Variants in ANO7 observed in about 807,000 individuals in gnomAD.
ANO7 encodes the protein anoctamin 7.
ANO7 carries 114 observed loss-of-function variants against 115.8 expected under a neutral mutation model. That is an observed-to-expected ratio of 0.98 (90% CI 0.85 to 1.15). ANO7 has a LOEUF of 1.15. Ranked by LOEUF, ANO7 falls within the 50% of genes most tolerant of loss-of-function variation. The pLI is 0.00. For missense variants in ANO7, 1,302 were observed against 1,201.2 expected (o/e 1.08, Z -1.24); for synonymous variants, 550 against 498.2 (o/e 1.10, Z -1.38).
At chr2:241,219,473 G>T (rs1042117695) in intron 21 of ANO7, among the ~76,000 whole-genome samples, 1 of 151,164 alleles carries the variant, frequency 6.6e-6, no homozygotes, top group Admixed American at 6.6e-5. Flanking sequence ...TGTTCTGGTT[G>T]TTTTTTTTAT....
chr2:241,189,442 C>T (rs550165741), intron 1 of ANO7, among the ~76,000 whole-genome samples: 9 of 152,308 alleles, frequency 5.9e-5, no homozygotes, highest in Admixed American at 2.6e-4. Context: ...CTCCTGGCCC[C>T]GTTTTGCCAG....
chr2:241,225,725 G>A lies in ANO7; in HGVS notation c.*1572G>A, dbSNP rs2069147797. On this transcript the variant is annotated 3_prime_UTR_variant, in exon 25 of 25. Coordinates refer to ENST00000674324, the MANE Select transcript of ANO7 (RefSeq NM_001370694.2). Reference sequence around the variant, plus strand: ...CTACTTGTTCACCTGCCTCTTAGGAGCACTGTGCCCTGCCTCCATGGAAGG... The same window carrying A: ...CTACTTGTTCACCTGCCTCTTAGGAACACTGTGCCCTGCCTCCATGGAAGG... Among the ~76,000 whole-genome samples, 1 of 152,170 alleles carries A rather than the reference G, an allele frequency of 6.6e-6. No individual in the cohort carries two copies. Among genetic ancestry groups the A allele is most frequent in the African/African-American group, 2.4e-5 (1 of 41,440 alleles).
chr2:241,233,239 G>A, the ANO7 span, among the ~76,000 whole-genome samples: 14 of 152,226 alleles, frequency 9.2e-5, 1 homozygote, highest in South Asian at 4.1e-4. The surrounding 1 kb of genome is among the most constrained non-coding windows in gnomAD (Gnocchi z 4.3). Context: ...GGGGTGTTGG[G>A]TGAGGCTGCC....
At chr2:241,231,684 C>G in the ANO7 span, among the ~76,000 whole-genome samples, 1 of 152,116 alleles carries the variant, frequency 6.6e-6, no homozygotes, top group East Asian at 1.9e-4. Flanking sequence ...CTCCCTCACT[C>G]AGAGATCCCA....
At chr2:241,238,433 G>C in the ANO7 span, 4 of 394,360 alleles carry the variant, frequency 1.0e-5, no homozygotes, top group Non-Finnish European at 1.8e-5. This position sits in a 1 kb window ranked among gnomAD's most constrained non-coding sequence, Gnocchi z 4.9. Flanking sequence ...TGTGTCTCTA[G>C]GACCTATGAA....
the ANO7 span, chr2:241,235,429 C>A: frequency 6.8e-7 from 1 of 1,464,220 alleles, no homozygotes; most frequent in Non-Finnish European, 9.6e-7. Flanking sequence ...AGGACACTGG[C>A]ACTCGGGAGA....
Position 241,201,310 on chromosome 2 carries a change from T to C in ANO7, c.567T>C (p.Ser189=), listed in dbSNP as rs1240356248. The C allele has an allele frequency of 6.2e-7, 1 of 1,611,864 alleles. No individual in the cohort carries two copies. The highest frequency in any genetic ancestry group is 1.3e-5 in the African/African-American group (1 of 74,628). ...CACATGCCCACAGCTTCCTCGGGAG[T>C]GACAACCAGGACACCTTCTTCACAA... The part of the protein sequence containing the change: ...RVNKLPRFLG[S]DNQDTFFTST... The change falls in exon 7 of 25, where the codon AGT becomes AGC. Residue 189 remains serine, a synonymous_variant. Transcript: ENST00000674324.
Position 241,217,944 on chromosome 2 carries a change from CGGGGGG to C in ANO7, c.2178+56_2178+61del, listed in dbSNP as rs1185030461. The C allele has an allele frequency of 1.9e-4, 9 of 46,574 alleles. 1 individual carries two copies. The highest frequency in any genetic ancestry group is 3.0e-4 in the Non-Finnish European group (8 of 27,106). 2.9% of individuals were successfully genotyped at this position (46,574 alleles called of 1,614,324 possible). On this transcript the variant is annotated intron_variant, in intron 20 of 24. Transcript: ENST00000674324. Reference sequence around the variant, plus strand: ...GGGCGGGGGCGCGCAGGGGCGGGGGCGGGGGGGGCAGCGGGGGCGCGCAGGGGCGGG... The same window carrying C: ...GGGCGGGGGCGCGCAGGGGCGGGGGCGGCAGCGGGGGCGCGCAGGGGCGGG...
chr2:241,214,815 G>A lies in ANO7; in HGVS notation c.1739G>A (p.Gly580Glu). Residue 580 changes from glycine to glutamate, a missense_variant, in exon 18 of 25, where the codon GGA (glycine) becomes GAA (glutamate). Transcript: ENST00000674324. ...FGVRNEECAA[G>E]GCLIELAQEL... ...GCCCTGCTGCCGTAGTGCGCGGCTG[G>A]AGGCTGCCTGATCGAGCTGGCACAG... 6.2e-7 allele frequency: 1 copy of A among 1,611,896 alleles called. No individual in the cohort carries two copies. Among genetic ancestry groups the A allele is most frequent in the South Asian group, 1.1e-5 (1 of 91,080 alleles).
intron 11 of ANO7, among the ~76,000 whole-genome samples, chr2:241,208,908 G>A (rs1264024524): frequency 6.6e-6 from 1 of 152,134 alleles, no homozygotes; most frequent in African/African-American, 2.4e-5. Context: ...CCAGCACTTT[G>A]GGAGGCCAAG....
In ANO7 at chr2:241,216,924, C is replaced by T. The variant is rs551172291; in HGVS notation, c.1972+686C>T. Among the ~76,000 whole-genome samples the T allele has an allele frequency of 2.6e-5, 4 of 152,340 alleles. No individual in the cohort carries two copies. In the South Asian group the frequency reaches 8.3e-4, roughly 32 times the overall value. Reference sequence around the variant, plus strand: ...TCTCGGCTCACTCCAACCTCCACCTCCCAGGTTCAAGCAATTCTCCTGCCT... The same window carrying T: ...TCTCGGCTCACTCCAACCTCCACCTTCCAGGTTCAAGCAATTCTCCTGCCT... On this transcript the variant is annotated intron_variant, in intron 19 of 24. Transcript: ENST00000674324.
At chr2:241,240,193 T>TCTGTAGGACAGCAAG in the ANO7 span, 5 of 1,460,316 alleles carry the variant, frequency 3.4e-6, no homozygotes, top group Non-Finnish European at 4.8e-6. This position sits in a 1 kb window ranked among gnomAD's most constrained non-coding sequence, Gnocchi z 5.5. Flanking sequence ...GACAAGAGGG[T>TCTGTAGGACAGCAAG]CTGTAGGACA....
intron 17 of ANO7, among the ~76,000 whole-genome samples, chr2:241,213,120 G>A (rs2068752013): frequency 6.6e-6 from 1 of 151,840 alleles, no homozygotes. Context: ...GGCCCGCAGA[G>A]GCTGGCCTCC....
At position 241,214,909 on chromosome 2, in the gene ANO7, C is replaced by A; in HGVS notation, c.1826+7C>A. Reference sequence around the variant, plus strand: ...TGCAGGAGGTCCTCATCCCGTGAGTCCCCCACTCCTCCCTGGGTGGCATCC... The same window carrying A: ...TGCAGGAGGTCCTCATCCCGTGAGTACCCCACTCCTCCCTGGGTGGCATCC... On this transcript the variant is annotated splice_region_variant and intron_variant, in intron 18 of 24. Transcript: ENST00000674324. 2 of 1,610,964 alleles carry A rather than the reference C, an allele frequency of 1.2e-6. No individual in the cohort carries two copies.
chr2:241,193,621 C>G (rs2068254955), intron 3 of ANO7, among the ~76,000 whole-genome samples: 1 of 152,068 alleles, frequency 6.6e-6, no homozygotes, highest in Admixed American at 6.6e-5. Context: ...TATATTCTAT[C>G]CTCTGAGAAA....
At chr2:241,199,491 C>A in intron 5 of ANO7, 68 bp downstream of exon 5, 1 of 1,509,696 alleles carries the variant, frequency 6.6e-7, no homozygotes, top group South Asian at 1.1e-5. Flanking sequence ...GTTCAGCTGC[C>A]AGTGCCGACA....
the ANO7 span, among the ~76,000 whole-genome samples, chr2:241,231,960 C>T: frequency 2.0e-5 from 3 of 151,838 alleles, no homozygotes; most frequent in South Asian, 2.1e-4. Flanking sequence ...ACCATCATCA[C>T]GCAACAGGAC....
the ANO7 span, chr2:241,235,307 G>A: frequency 2.5e-6 from 4 of 1,612,758 alleles, no homozygotes; most frequent in South Asian, 3.3e-5. Context: ...GAACAGGAAA[G>A]AGTCCATTGG....
chr2:241,235,087 G>A, the ANO7 span: 1 of 1,607,160 alleles, frequency 6.2e-7, no homozygotes, highest in African/African-American at 1.3e-5. Context: ...GAGCACCATG[G>A]CTCTGGGCAG....
Sources: allele counts gnomAD v4.1 joint callset (sites outside exome capture counted in the v4.1 genomes callset), GRCh38; gene constraint gnomAD v4.1.1; non-coding constraint Gnocchi (gnomAD v3.1); transcripts MANE v1.5; gene names NCBI Gene and HGNC (gene_info 2026-07-23, HGNC 2026-07-21).